ZNF804B: variants seen among roughly 807,000 people sequenced by gnomAD.
ZNF804B encodes zinc finger 804B.
Under a neutral mutation model 101.4 loss-of-function variants are expected in ZNF804B, and 80 were observed. The observed-to-expected ratio is 0.79, with a 90% CI of 0.66 to 0.95. ZNF804B has a LOEUF of 0.95. ZNF804B is among the 40% of genes least tolerant of loss of function. ZNF804B has a pLI of 0.00. For synonymous variants in ZNF804B, 622 were observed against 558.8 expected (o/e 1.11, Z -1.59); for missense variants, 1,673 against 1,561.9 (o/e 1.07, Z -1.20).
chr7:89,001,003 ATAATG>A (rs910445347), intron 1 of ZNF804B, among the ~76,000 whole-genome samples: 3 of 147,396 alleles, frequency 2.0e-5, no homozygotes, highest in South Asian at 2.1e-4. Context: ...ATAATTATAT[ATAATG>A]TATAGTATAA....
intron 2 of ZNF804B, among the ~76,000 whole-genome samples, chr7:89,251,740 C>G (rs892866387): frequency 3.3e-5 from 5 of 151,962 alleles, no homozygotes; most frequent in African/African-American, 4.8e-5. Flanking sequence ...AATGGAGAAC[C>G]CAGAAATGAA....
intron 1 of ZNF804B, among the ~76,000 whole-genome samples, chr7:88,824,550 T>C (rs753197287): frequency 6.6e-6 from 1 of 152,200 alleles, no homozygotes; most frequent in Non-Finnish European, 1.5e-5. Context: ...TACGTGGGGC[T>C]ACTAAATCAA....
At chr7:89,225,281 A>G (rs2115723649) in intron 2 of ZNF804B, among the ~76,000 whole-genome samples, 1 of 152,294 alleles carries the variant, frequency 6.6e-6, no homozygotes, top group East Asian at 1.9e-4. Context: ...GAAATCAGCC[A>G]TAATAGGATA....
chr7:88,766,878 A>G (rs1289397151), intron 1 of ZNF804B, among the ~76,000 whole-genome samples: 1 of 152,110 alleles, frequency 6.6e-6, no homozygotes, highest in Non-Finnish European at 1.5e-5. Flanking sequence ...ATTTCTAGCA[A>G]GTATAATTAG....
intron 1 of ZNF804B, among the ~76,000 whole-genome samples, chr7:89,108,037 G>A (rs905684450): frequency 4.6e-5 from 7 of 152,050 alleles, no homozygotes; most frequent in Non-Finnish European, 1.0e-4. Context: ...AAGTCAAAGG[G>A]GGCTGAACCA....
intron 2 of ZNF804B, among the ~76,000 whole-genome samples, chr7:89,289,730 A>C (rs1025979656): frequency 7.9e-5 from 12 of 152,156 alleles, no homozygotes; most frequent in African/African-American, 2.9e-4. Context: ...AAGCCTTGTC[A>C]CCATGGGCTA....
At chr7:89,129,184 G>C (rs6969083) in intron 1 of ZNF804B, among the ~76,000 whole-genome samples, 77,337 of 151,772 alleles carry the variant, frequency 0.51, 21,098 homozygotes, top group African/African-American at 0.72. Context: ...TATTTTTTAC[G>C]TTCAGTGCCC....
chr7:88,775,792 T>C (rs565695195), intron 1 of ZNF804B, among the ~76,000 whole-genome samples: 1 of 152,346 alleles, frequency 6.6e-6, no homozygotes, highest in South Asian at 2.1e-4. Context: ...CTTTCCAGTG[T>C]TGCTTGGTGA....
intron 1 of ZNF804B, among the ~76,000 whole-genome samples, chr7:89,119,344 G>C (rs1416616400): frequency 3.3e-5 from 5 of 152,116 alleles, no homozygotes; most frequent in Non-Finnish European, 5.9e-5. Context: ...TTGAAGCCAA[G>C]GGAAAGGAAG....
intron 2 of ZNF804B, among the ~76,000 whole-genome samples, chr7:89,225,515 C>T (rs985713718): frequency 1.3e-5 from 2 of 152,068 alleles, no homozygotes; most frequent in Non-Finnish European, 2.9e-5. Context: ...CACATAGTAA[C>T]ATTCAGTAGA....
intron 1 of ZNF804B, among the ~76,000 whole-genome samples, chr7:88,775,971 A>G (rs1000531783): frequency 2.0e-5 from 3 of 152,192 alleles, no homozygotes; most frequent in African/African-American, 2.4e-5. Flanking sequence ...TCTTTGTACT[A>G]AGTACAGAGA....
chr7:89,254,439 G>T (rs1162024119), intron 2 of ZNF804B, among the ~76,000 whole-genome samples: 1 of 150,984 alleles, frequency 6.6e-6, no homozygotes, highest in African/African-American at 2.4e-5. Context: ...ACAATTTTAT[G>T]GAAGGATATT....
chr7:89,044,321 A>G (rs902374099), intron 1 of ZNF804B, among the ~76,000 whole-genome samples: 1 of 152,216 alleles, frequency 6.6e-6, no homozygotes, highest in African/African-American at 2.4e-5. Flanking sequence ...CAGTGAGTCA[A>G]TTAATCATCT....
chr7:89,251,544 G>A lies in ZNF804B; in HGVS notation c.249+33249G>A, dbSNP rs138164470. Among the ~76,000 whole-genome samples the A allele has an allele frequency of 7.2e-5, 11 of 152,206 alleles. No individual in the cohort carries two copies. In the East Asian group the frequency reaches 2.1e-3, roughly 29 times the overall value. ...GCCCAAAGCAATGTACAGATTCAAT[G>A]CTATTTCTATCAAGCTACCAATGTT... On this transcript the variant is annotated intron_variant, in intron 2 of 3. Transcript: ENST00000333190.
intron 1 of ZNF804B, among the ~76,000 whole-genome samples, chr7:88,850,485 C>T (rs1433129425): frequency 6.6e-6 from 1 of 152,026 alleles, no homozygotes; most frequent in Non-Finnish European, 1.5e-5. Context: ...AAAAAACACC[C>T]AAAAGGATTA....
At chr7:89,109,274 GATA>G (rs1358637677) in intron 1 of ZNF804B, among the ~76,000 whole-genome samples, 5 of 152,130 alleles carry the variant, frequency 3.3e-5, no homozygotes, top group African/African-American at 1.2e-4. Context: ...AGCACATTGA[GATA>G]ATAATGAGAA....
At chr7:89,127,899 T>A (rs928189180) in intron 1 of ZNF804B, among the ~76,000 whole-genome samples, 3 of 151,644 alleles carry the variant, frequency 2.0e-5, no homozygotes, top group Non-Finnish European at 1.5e-5. Flanking sequence ...TAAGTATGTA[T>A]AATTATTATT....
intron 1 of ZNF804B, among the ~76,000 whole-genome samples, chr7:89,089,609 A>C (rs1429848056): frequency 6.6e-6 from 1 of 152,042 alleles, no homozygotes. Context: ...ACCCAAACAC[A>C]CCAATCACAA....
At chr7:88,996,878 C>A (rs991261024) in intron 1 of ZNF804B, among the ~76,000 whole-genome samples, 3 of 152,000 alleles carry the variant, frequency 2.0e-5, no homozygotes, top group African/African-American at 7.2e-5. Context: ...CCCTACCTAC[C>A]AGGACATTTA....
Sources: gnomAD v4.1 joint callset for allele counts (sites outside exome capture counted in the v4.1 genomes callset) on GRCh38, gnomAD v4.1.1 for gene constraint, MANE v1.5 for transcripts, NCBI Gene and HGNC (gene_info 2026-07-23, HGNC 2026-07-21) for gene names.